Variants in TBC1D9 observed in about 807,000 individuals in gnomAD.
The protein encoded by TBC1D9 is TBC1 domain family member 9.
In TBC1D9, 63 loss-of-function variants were observed where a neutral mutation model predicts 132.0. The observed-to-expected ratio is 0.48, with a 90% CI of 0.39 to 0.59. TBC1D9 has a LOEUF of 0.59. TBC1D9 is among the 20% of genes least tolerant of loss of function. The probability of loss-of-function intolerance (pLI) is 0.00; values close to 1 mark genes in which losing one functional copy is unlikely to be tolerated. For missense variants in TBC1D9, 1,261 were observed against 1,592.7 expected (o/e 0.79, Z 3.54); for synonymous variants, 610 against 609.9 (o/e 1.00, Z 0.00).
chr4:140,673,670 G>A (rs1409034031), intron 6 of TBC1D9, among the ~76,000 whole-genome samples: 6 of 152,102 alleles, frequency 3.9e-5, no homozygotes, highest in Non-Finnish European at 8.8e-5. Context: ...TTAAAGCTGC[G>A]CCTTCCAACC....
At chr4:140,749,171 G>A (rs1227908491) in intron 1 of TBC1D9, among the ~76,000 whole-genome samples, 1 of 151,828 alleles carries the variant, frequency 6.6e-6, no homozygotes, top group African/African-American at 2.4e-5. Context: ...TTTGAGACCA[G>A]CCTGGGCAAC....
chr4:140,670,540 T>A (rs1737518916), intron 7 of TBC1D9, 180 bp downstream of exon 7: 1 of 590,858 alleles, frequency 1.7e-6, no homozygotes. Flanking sequence ...TCTATAAGGT[T>A]CCTTCTAAAT....
chr4:140,742,888 CAGG>C (rs78912702), intron 1 of TBC1D9, among the ~76,000 whole-genome samples: 38,965 of 150,204 alleles, frequency 0.26, 5,559 homozygotes, highest in East Asian at 0.56. Context: ...AGAGGAGGAG[CAGG>C]AGGAGGAGGA....
At chr4:140,746,332 A>G (rs1738835444) in intron 1 of TBC1D9, among the ~76,000 whole-genome samples, 1 of 152,106 alleles carries the variant, frequency 6.6e-6, no homozygotes. Flanking sequence ...TGAAGCCCCT[A>G]CGTTCTAATT....
rs143104970 is a variant in TBC1D9 at position 140,643,388 on chromosome 4, C to T, written c.2338-3960G>A. ...AGGGCAGAGGCCTGGCCTGGGGCAG[C>T]TCCATGGCCACCTCCATGCCAGCCA... On this transcript the variant is annotated intron_variant, in intron 13 of 20. Coordinates refer to ENST00000442267, the MANE Select transcript of TBC1D9 (RefSeq NM_015130.3). 6,498 of 1,197,032 alleles carry T rather than the reference C, an allele frequency of 5.4e-3. 262 individuals carry two copies. In the African/African-American group the frequency reaches 0.1, roughly 19 times the overall value. 74.2% of individuals were successfully genotyped at this position (1,197,032 alleles called of 1,614,324 possible).
intron 1 of TBC1D9, among the ~76,000 whole-genome samples, chr4:140,737,265 G>C (rs1486084149): frequency 6.6e-6 from 1 of 152,026 alleles, no homozygotes; most frequent in Non-Finnish European, 1.5e-5. Context: ...TCCTAGTGAG[G>C]GGCCCCTGAG....
At chr4:140,625,645 G>T (rs1736694571) in intron 18 of TBC1D9, among the ~76,000 whole-genome samples, 1 of 152,120 alleles carries the variant, frequency 6.6e-6, no homozygotes, top group South Asian at 2.1e-4. Flanking sequence ...GCAACAAGTG[G>T]ATTTTTAAAA....
intron 13 of TBC1D9, among the ~76,000 whole-genome samples, chr4:140,653,196 G>A (rs1330548809): frequency 1.3e-5 from 2 of 152,180 alleles, no homozygotes; most frequent in Non-Finnish European, 2.9e-5. Flanking sequence ...TTTATGAAGC[G>A]AAGTTATCAA....
chr4:140,715,324 G>A (rs1216143119), intron 1 of TBC1D9, among the ~76,000 whole-genome samples: 1 of 152,182 alleles, frequency 6.6e-6, no homozygotes, highest in Non-Finnish European at 1.5e-5. Flanking sequence ...GACAGAAGGG[G>A]TCCAATCAAT....
chr4:140,735,256 A>G (rs114214536), intron 1 of TBC1D9, among the ~76,000 whole-genome samples: 1,894 of 152,302 alleles, frequency 0.012, 16 homozygotes, highest in Non-Finnish European at 0.017. Context: ...CCCACTCTGC[A>G]TAACCATTAT....
At chr4:140,704,083 G>A (rs1738112784) in intron 1 of TBC1D9, among the ~76,000 whole-genome samples, 1 of 152,104 alleles carries the variant, frequency 6.6e-6, no homozygotes, top group Non-Finnish European at 1.5e-5. Context: ...TTTAGTCTGG[G>A]TTTAGAGGGT....
At chr4:140,674,455 G>A (rs559666694) in intron 6 of TBC1D9, among the ~76,000 whole-genome samples, 117 of 152,110 alleles carry the variant, frequency 7.7e-4, no homozygotes, top group Non-Finnish European at 1.3e-3. Flanking sequence ...CAACGGAAAG[G>A]TCCAACCATA....
chr4:140,658,184 A>G (rs1737301316), intron 11 of TBC1D9, among the ~76,000 whole-genome samples: 1 of 152,252 alleles, frequency 6.6e-6, no homozygotes, highest in South Asian at 2.1e-4. Context: ...CTCACTTAAC[A>G]ATGGAGACAT....
chr4:140,755,821 G>GACC (rs1311199926), intron 1 of TBC1D9, 95 bp downstream of exon 1: 26 of 1,378,802 alleles, frequency 1.9e-5, no homozygotes, highest in Non-Finnish European at 2.3e-5. Context: ...AGCCCCAGGG[G>GACC]ACCGGGCGGC....
rs572750049 is a variant in TBC1D9 at position 140,707,457 on chromosome 4, G to T, written c.131-5843C>A. Among the ~76,000 whole-genome samples the T allele has an allele frequency of 5.3e-5, 8 of 152,186 alleles. No homozygotes were observed. The South Asian group carries it at 1.7e-3, about 32-fold the overall frequency. ...CTTCTATACACATGCAAGACTTTTGGCTCAGTACTTCCTCTCCAGTGCATC... is the reference window on the plus strand; with the variant it reads ...CTTCTATACACATGCAAGACTTTTGTCTCAGTACTTCCTCTCCAGTGCATC... On this transcript the variant is annotated intron_variant, in intron 1 of 20. Transcript: ENST00000442267.
At chr4:140,668,793 T>A in intron 9 of TBC1D9, 124 bp downstream of exon 9, 1 of 978,780 alleles carries the variant, frequency 1.0e-6, no homozygotes, top group Non-Finnish European at 1.5e-6. Flanking sequence ...GGAAACATGA[T>A]GTAGCTTTCA....
intron 1 of TBC1D9, among the ~76,000 whole-genome samples, chr4:140,729,418 C>T (rs188817380): frequency 3.9e-4 from 60 of 152,270 alleles, no homozygotes; most frequent in Non-Finnish European, 8.4e-4. Context: ...TTATCCATCA[C>T]AACAGCAAAG....
Position 140,621,237 on chromosome 4 carries a change from T to C in TBC1D9, c.*958A>G, listed in dbSNP as rs1270462147. The C allele has an allele frequency of 1.3e-5, 2 of 152,640 alleles. No individual in the cohort carries two copies. Among genetic ancestry groups the C allele is most frequent in the Non-Finnish European group, 2.9e-5 (2 of 68,020 alleles). The allele number at this position is 152,640 out of a possible 1,614,324, so 9.5% of individuals were successfully genotyped here. A position where few individuals can be genotyped will look rare whatever the true frequency, so the allele number is the denominator to read the frequency against. Reference sequence around the variant, plus strand: ...CATTGATTTGATGGAAAGATGGTCATATGCGATATGTGGTATAAATTTCTT... The same window carrying C: ...CATTGATTTGATGGAAAGATGGTCACATGCGATATGTGGTATAAATTTCTT... On this transcript the variant is annotated 3_prime_UTR_variant, in exon 21 of 21. Coordinates refer to ENST00000442267, the MANE Select transcript of TBC1D9 (RefSeq NM_015130.3).
chr4:140,639,124 T>C lies in TBC1D9; in HGVS notation c.2467A>G (p.Thr823Ala). Reference protein sequence around the residue: ...VRTIVTETSFTIDELEELYAL... With the variant: ...VRTIVTETSFAIDELEELYAL... ...TAAAGTTCTTCCAGCTCATCAATGG[T>C]AAAGGAAGTTTCTGTCACAATGGTT... Residue 823 changes from threonine to alanine, a missense_variant, in exon 15 of 21, where the codon ACC becomes GCC. Transcript: ENST00000442267. The C allele has an allele frequency of 1.3e-6, 2 of 1,588,904 alleles. No individual in the cohort carries two copies. Among genetic ancestry groups the C allele is most frequent in the Non-Finnish European group, 1.7e-6 (2 of 1,166,342 alleles).
Sources: allele counts gnomAD v4.1 joint callset (sites outside exome capture counted in the v4.1 genomes callset), GRCh38; gene constraint gnomAD v4.1.1; transcripts MANE v1.5; gene names NCBI Gene and HGNC (gene_info 2026-07-23, HGNC 2026-07-21).